SLX4IP: variants seen among roughly 807,000 people sequenced by gnomAD.
SLX4IP encodes protein SLX4IP.
SLX4IP carries 34 observed loss-of-function variants against 32.9 expected under a neutral mutation model. The ratio of observed to expected loss-of-function variants is 1.03; its 90% CI spans 0.79 to 1.38. The LOEUF (loss-of-function observed/expected upper bound fraction) is 1.38, where lower values mean the gene tolerates loss of function less well. SLX4IP is among the 40% of genes most tolerant of loss of function. SLX4IP has a pLI of 0.00. For missense variants in SLX4IP, 444 were observed against 479.0 expected, an observed-to-expected ratio of 0.93 and a Z score of 0.68; for synonymous variants, 172 against 171.7, an observed-to-expected ratio of 1.00 and a Z score of -0.01.
At chr20:10,545,423 C>A (rs78240786) in intron 2 of SLX4IP, among the ~76,000 whole-genome samples, 4 of 152,036 alleles carry the variant, frequency 2.6e-5, no homozygotes, top group Non-Finnish European at 5.9e-5. Context: ...AGTTGACACC[C>A]GCTTTAAAAG....
chr20:10,594,905 T>G (rs2066751875), intron 4 of SLX4IP, among the ~76,000 whole-genome samples: 2 of 152,178 alleles, frequency 1.3e-5, no homozygotes, highest in South Asian at 4.1e-4. Context: ...CCTCTCCATT[T>G]TTTTTAAAGA....
At chr20:10,479,407 C>T (rs1488263907) in intron 2 of SLX4IP, among the ~76,000 whole-genome samples, 1 of 140,506 alleles carries the variant, frequency 7.1e-6, no homozygotes, top group Middle Eastern at 3.8e-3. Context: ...GGCTGGAGTA[C>T]AGTGGCACAA....
chr20:10,491,508 A>G (rs1429491075), intron 2 of SLX4IP, among the ~76,000 whole-genome samples: 1 of 152,186 alleles, frequency 6.6e-6, no homozygotes, highest in East Asian at 1.9e-4. Context: ...TGTCTGCACA[A>G]CTAGAGAATG....
At chr20:10,462,249 A>G (rs2065343839) in intron 2 of SLX4IP, among the ~76,000 whole-genome samples, 1 of 152,210 alleles carries the variant, frequency 6.6e-6, no homozygotes, top group South Asian at 2.1e-4. Flanking sequence ...AAGAAAAACA[A>G]ATGGTTGAGA....
At chr20:10,550,949 G>A (rs2085386531) in intron 2 of SLX4IP, among the ~76,000 whole-genome samples, 1 of 152,110 alleles carries the variant, frequency 6.6e-6, no homozygotes, top group Non-Finnish European at 1.5e-5. Flanking sequence ...CCTCTCTCAG[G>A]GCCTGGCTAG....
intron 4 of SLX4IP, among the ~76,000 whole-genome samples, chr20:10,582,422 C>T (rs758571972): frequency 6.6e-6 from 1 of 151,996 alleles, no homozygotes; most frequent in Non-Finnish European, 1.5e-5. Flanking sequence ...GGAAGGTTTC[C>T]TTTATCTCAG....
At chr20:10,517,082 C>G (rs1310897959) in intron 2 of SLX4IP, among the ~76,000 whole-genome samples, 1 of 152,188 alleles carries the variant, frequency 6.6e-6, no homozygotes, top group Non-Finnish European at 1.5e-5. Flanking sequence ...TTTACATTGT[C>G]AAGCCCTTGC....
chr20:10,608,781 C>T (rs1176164686), intron 6 of SLX4IP, among the ~76,000 whole-genome samples: 1 of 151,604 alleles, frequency 6.6e-6, no homozygotes, highest in East Asian at 1.9e-4. Flanking sequence ...CATTTAAATG[C>T]AATTAACGCC....
At chr20:10,541,197 C>A (rs1378661155) in intron 2 of SLX4IP, among the ~76,000 whole-genome samples, 1 of 152,166 alleles carries the variant, frequency 6.6e-6, no homozygotes. Flanking sequence ...AGGAAAACAC[C>A]TTTAAAATAA....
At chr20:10,480,581 G>A (rs1186888610) in intron 2 of SLX4IP, among the ~76,000 whole-genome samples, 1 of 152,090 alleles carries the variant, frequency 6.6e-6, no homozygotes, top group Non-Finnish European at 1.5e-5. Flanking sequence ...AATATAAAAC[G>A]TGATTTTACT....
chr20:10,474,141 C>G (rs1600906965), intron 2 of SLX4IP, among the ~76,000 whole-genome samples: 1 of 152,090 alleles, frequency 6.6e-6, no homozygotes, highest in African/African-American at 2.4e-5. Context: ...GTCTTGAACT[C>G]CTGACCTGAG....
At chr20:10,537,631 G>C (rs1198928857) in intron 2 of SLX4IP, among the ~76,000 whole-genome samples, 1 of 152,122 alleles carries the variant, frequency 6.6e-6, no homozygotes, top group Admixed American at 6.5e-5. Flanking sequence ...CAGTTCAGTT[G>C]ATTCATGTAA....
At chr20:10,511,228 C>T (rs530899797) in intron 2 of SLX4IP, among the ~76,000 whole-genome samples, 8 of 152,326 alleles carry the variant, frequency 5.3e-5, no homozygotes, top group South Asian at 2.1e-4. Context: ...CATATTTCCC[C>T]GTTCTTAAGA....
intron 2 of SLX4IP, among the ~76,000 whole-genome samples, chr20:10,518,580 T>G (rs559160811): frequency 1.3e-5 from 2 of 150,654 alleles, no homozygotes; most frequent in African/African-American, 2.4e-5. Flanking sequence ...TCTTTCTTTC[T>G]TTTTTTCTTT....
At chr20:10,524,054 C>T (rs1337639890) in intron 2 of SLX4IP, among the ~76,000 whole-genome samples, 2 of 152,190 alleles carry the variant, frequency 1.3e-5, no homozygotes, top group South Asian at 2.1e-4. Flanking sequence ...GGGGGACCAG[C>T]GGGCTCATGA....
intron 2 of SLX4IP, among the ~76,000 whole-genome samples, chr20:10,524,965 A>G (rs568718463): frequency 6.6e-6 from 1 of 151,810 alleles, no homozygotes; most frequent in East Asian, 1.9e-4. Context: ...CTTAACTAGT[A>G]TCATTGTCTT....
chr20:10,513,793 G>A (rs1175449828), intron 2 of SLX4IP, among the ~76,000 whole-genome samples: 1 of 152,194 alleles, frequency 6.6e-6, no homozygotes, highest in Non-Finnish European at 1.5e-5. Flanking sequence ...CACAGCATCT[G>A]CCTGGCACTT....
chr20:10,466,532 G>A lies in SLX4IP; in HGVS notation c.27+8301G>A, dbSNP rs1034626644. Among the ~76,000 whole-genome samples the A allele has an allele frequency of 3.3e-5, 5 of 152,132 alleles. No homozygotes were observed. In the South Asian group the frequency reaches 6.2e-4, roughly 19 times the overall value. On this transcript the variant is annotated intron_variant, in intron 2 of 7. Coordinates refer to ENST00000334534, the MANE Select transcript of SLX4IP (RefSeq NM_001009608.3). ...AGAAGGGATTCCTGGCTTCCCTAGCGGTGGCAGCCTGGGAAGATTACAGAG... is the reference window on the plus strand; with the variant it reads ...AGAAGGGATTCCTGGCTTCCCTAGCAGTGGCAGCCTGGGAAGATTACAGAG...
At chr20:10,490,615 G>T (rs1050004092) in intron 2 of SLX4IP, among the ~76,000 whole-genome samples, 1 of 152,086 alleles carries the variant, frequency 6.6e-6, no homozygotes. Flanking sequence ...ATTTCTTTGT[G>T]CCTTTTCCAG....
Sources: gnomAD v4.1 joint callset for allele counts (sites outside exome capture counted in the v4.1 genomes callset) on GRCh38, gnomAD v4.1.1 for gene constraint, MANE v1.5 for transcripts, NCBI Gene and HGNC (gene_info 2026-07-23, HGNC 2026-07-21) for gene names.